HSF2BP: variants seen among roughly 807,000 people sequenced by gnomAD.
HSF2BP encodes the protein heat shock transcription factor 2 binding protein.
Under a neutral mutation model 35.0 loss-of-function variants are expected in HSF2BP, and 35 were observed. The observed-to-expected ratio is 1.00, with a 90% CI of 0.76 to 1.32. The LOEUF is 1.32. HSF2BP is among the 40% of genes most tolerant of loss of function. The pLI, the probability that HSF2BP is intolerant of heterozygous loss-of-function variation, is 0.00. For missense variants in HSF2BP, 326 were observed against 321.7 expected, an observed-to-expected ratio of 1.01 and a Z score of -0.10; for synonymous variants, 114 against 117.4, an observed-to-expected ratio of 0.97 and a Z score of 0.18.
intron 4 of HSF2BP, among the ~76,000 whole-genome samples, chr21:43,635,686 G>A (rs555165260): frequency 6.6e-6 from 1 of 152,248 alleles, no homozygotes; most frequent in African/African-American, 2.4e-5. Context: ...GGAGGCTGAG[G>A]TGGGTGGATT....
chr21:43,615,324 T>C (rs1015879503), intron 6 of HSF2BP, among the ~76,000 whole-genome samples: 3 of 152,262 alleles, frequency 2.0e-5, no homozygotes, highest in Non-Finnish European at 4.4e-5. Context: ...TTTATCAGTT[T>C]AAAGAAGTCT....
intron 6 of HSF2BP, among the ~76,000 whole-genome samples, chr21:43,620,695 T>A (rs1274267644): frequency 2.0e-5 from 3 of 150,404 alleles, no homozygotes; most frequent in African/African-American, 7.5e-5. Flanking sequence ...ATCCCATCTC[T>A]AAAAAATCAA....
intron 7 of HSF2BP, among the ~76,000 whole-genome samples, chr21:43,598,982 A>G (rs1390034556): frequency 6.6e-6 from 1 of 152,246 alleles, no homozygotes; most frequent in Non-Finnish European, 1.5e-5. Context: ...TCTGTCTGAC[A>G]CTTTACGGAA....
At chr21:43,601,307 G>C (rs1361115312) in intron 7 of HSF2BP, among the ~76,000 whole-genome samples, 1 of 152,050 alleles carries the variant, frequency 6.6e-6, no homozygotes, top group Non-Finnish European at 1.5e-5. Flanking sequence ...TCATCAGACT[G>C]TGATTTTTTT....
At chr21:43,650,869 G>A (rs1199549424) in intron 3 of HSF2BP, among the ~76,000 whole-genome samples, 8 of 151,802 alleles carry the variant, frequency 5.3e-5, no homozygotes, top group Non-Finnish European at 7.4e-5. Flanking sequence ...CATCACACCC[G>A]GCTAATTTTT....
At chr21:43,656,238 A>G (rs2082866400) in intron 3 of HSF2BP, among the ~76,000 whole-genome samples, 1 of 152,224 alleles carries the variant, frequency 6.6e-6, no homozygotes, top group Non-Finnish European at 1.5e-5. Flanking sequence ...AGTAAACTCC[A>G]TGCAAGGTTT....
chr21:43,654,890 G>A (rs1316182132), intron 3 of HSF2BP, among the ~76,000 whole-genome samples: 4 of 152,234 alleles, frequency 2.6e-5, no homozygotes, highest in Non-Finnish European at 4.4e-5. Context: ...AGGCTGCAAA[G>A]CAGAGAAGGA....
chr21:43,635,169 A>G (rs775244109), intron 4 of HSF2BP, among the ~76,000 whole-genome samples: 1 of 152,212 alleles, frequency 6.6e-6, no homozygotes, highest in South Asian at 2.1e-4. Context: ...AGACCTATAC[A>G]ATGAAAACTA....
Position 43,630,371 on chromosome 21 carries a change from C to T in HSF2BP, c.525G>A (p.Leu175=), listed in dbSNP as rs531978498. ...AAACAAACTGACTTTCATCCGAATC[C>T]AGCTCCTGGACATCACCGTCTAACG... The part of the protein sequence containing the change: ...VKSLDGDVQE[L]DSDESQFVFA... The change falls in exon 6 of 9, where the codon CTG becomes CTA. Residue 175 remains leucine, a synonymous_variant. Transcript: ENST00000291560. The T allele has an allele frequency of 6.2e-7, 1 of 1,613,246 alleles. No homozygotes were observed. The highest frequency in any genetic ancestry group is 1.1e-5 in the South Asian group (1 of 90,826).
chr21:43,635,066 G>A (rs973239693), intron 4 of HSF2BP, among the ~76,000 whole-genome samples: 5 of 150,524 alleles, frequency 3.3e-5, no homozygotes, highest in African/African-American at 1.2e-4. Context: ...TCCACACATA[G>A]TATAATAATA....
At chr21:43,612,330 G>GCA (rs1417554618) in intron 7 of HSF2BP, among the ~76,000 whole-genome samples, 3 of 152,152 alleles carry the variant, frequency 2.0e-5, no homozygotes, top group African/African-American at 7.2e-5. Flanking sequence ...GAAGCACCTG[G>GCA]CACAGACTTT....
intron 3 of HSF2BP, among the ~76,000 whole-genome samples, chr21:43,648,340 CCATCCTCCCTGCTGGGCTT>C (rs1213489996): frequency 6.6e-6 from 1 of 152,206 alleles, no homozygotes; most frequent in African/African-American, 2.4e-5. Context: ...TCTCCCCACT[CCATCCTCCCTGCTGGGCTT>C]CATCCTCCTG....
intron 2 of HSF2BP, among the ~76,000 whole-genome samples, chr21:43,656,983 G>A (rs1420963814): frequency 6.6e-6 from 1 of 152,220 alleles, no homozygotes. Context: ...CAGGCATGGT[G>A]GCTCACACTT....
intron 8 of HSF2BP, among the ~76,000 whole-genome samples, chr21:43,587,848 T>G (rs2081875280): frequency 6.6e-6 from 1 of 152,304 alleles, no homozygotes; most frequent in African/African-American, 2.4e-5. Context: ...TGCTTGCTAC[T>G]GACAGAACTG....
intron 4 of HSF2BP, 78 bp from the exon 5 acceptor site, chr21:43,633,499 A>T: frequency 8.2e-7 from 1 of 1,216,022 alleles, no homozygotes. Context: ...CTCTTTCACA[A>T]AGATATTTAT....
intron 6 of HSF2BP, among the ~76,000 whole-genome samples, chr21:43,617,031 CCCCAG>C (rs1225961427): frequency 2.6e-5 from 4 of 152,104 alleles, no homozygotes; most frequent in Admixed American, 1.3e-4. Context: ...CCCCACTAGC[CCCCAG>C]CTGTTCCATC....
At chr21:43,584,991 T>A (rs920441880) in intron 8 of HSF2BP, among the ~76,000 whole-genome samples, 1 of 152,038 alleles carries the variant, frequency 6.6e-6, no homozygotes, top group Admixed American at 6.5e-5. Context: ...TATAATTTTA[T>A]TTAATTATTT....
intron 8 of HSF2BP, among the ~76,000 whole-genome samples, chr21:43,587,154 T>C (rs1337486760): frequency 1.3e-5 from 2 of 152,210 alleles, no homozygotes; most frequent in Non-Finnish European, 2.9e-5. Flanking sequence ...TATATTCACC[T>C]TCTAAAACAC....
intron 7 of HSF2BP, among the ~76,000 whole-genome samples, chr21:43,608,684 A>G (rs1382054845): frequency 3.9e-5 from 6 of 152,146 alleles, no homozygotes; most frequent in African/African-American, 1.4e-4. Flanking sequence ...AATAGCAAAG[A>G]TAAGTGGTGG....
Sources: allele counts gnomAD v4.1 joint callset (sites outside exome capture counted in the v4.1 genomes callset), GRCh38; gene constraint gnomAD v4.1.1; transcripts MANE v1.5; gene names NCBI Gene and HGNC (gene_info 2026-07-23, HGNC 2026-07-21).